The following JPT2 variants were observed in gnomAD, a reference collection of about 807,000 sequenced individuals.
JPT2 encodes the protein CRAMP_1 like.
JPT2 carries 9 observed loss-of-function variants against 15.9 expected under a neutral mutation model. That is an observed-to-expected ratio of 0.57 (90% CI 0.34 to 0.99). The LOEUF (loss-of-function observed/expected upper bound fraction) is 0.99. JPT2 is among the 50% of genes least tolerant of loss of function. JPT2 has a pLI of 0.02. For synonymous variants in JPT2, 95 were observed against 91.7 expected, an observed-to-expected ratio of 1.04 and a Z score of -0.21; for missense variants, 267 against 252.1, an observed-to-expected ratio of 1.06 and a Z score of -0.40.
At chr16:1,689,639 C>T (rs2037091064) in intron 2 of JPT2, 1 of 152,182 alleles carries the variant, frequency 6.6e-6, no homozygotes, top group South Asian at 2.1e-4. Flanking sequence ...GACAAGGTCT[C>T]ACTTGTTTCC....
Position 1,699,204 on chromosome 16 carries a change from A to T in JPT2, c.*206A>T. 7 of 596,672 alleles carry T rather than the reference A, an allele frequency of 1.2e-5. No individual in the cohort carries two copies. Among genetic ancestry groups the T allele is most frequent in the Non-Finnish European group, 9.4e-6 (3 of 319,328 alleles). The allele number at this position is 596,672 out of a possible 1,614,324, so 37.0% of individuals were successfully genotyped here. On this transcript the variant is annotated 3_prime_UTR_variant, in exon 5 of 5. Coordinates refer to ENST00000248098, the MANE Select transcript of JPT2 (RefSeq NM_144570.3). ...TGGGAGATGCCTCTGTGGGGATGAA[A>T]TGGGGCACCCCTGGCCATCACTCAT... is the stretch of plus-strand genomic sequence containing the variant.
intron 1 of JPT2, chr16:1,683,669 T>C (rs2037042507): frequency 9.9e-7 from 1 of 1,008,206 alleles, no homozygotes; most frequent in Non-Finnish European, 1.5e-6. Flanking sequence ...TGAAGCACTC[T>C]CTGCCTTCCT....
intron 2 of JPT2, chr16:1,690,503 C>T (rs2037097272): frequency 6.6e-6 from 1 of 152,172 alleles, no homozygotes; most frequent in South Asian, 2.1e-4. Context: ...TATACTCAAG[C>T]ATTACACATG....
rs1596511256 is a variant in JPT2 at position 1,699,707 on chromosome 16, G to C, written c.*709G>C. ...TGTCTTTCACACAGGGCTGGTCTTG[G>C]TCCTTTACATGCCAGTTTTGCTTGT... On this transcript the variant is annotated 3_prime_UTR_variant, in exon 5 of 5. Transcript: ENST00000248098. 4.1e-6 allele frequency: 1 copy of C among 243,410 alleles called. No individual in the cohort carries two copies. Among genetic ancestry groups the C allele is most frequent in the East Asian group, 9.7e-5 (1 of 10,336 alleles). 15.1% of individuals were successfully genotyped at this position (243,410 alleles called of 1,614,324 possible).
Position 1,699,221 on chromosome 16 carries a change from A to T in JPT2, c.*223A>T. 1.5e-6 allele frequency: 1 copy of T among 666,260 alleles called. No individual in the cohort carries two copies. Among genetic ancestry groups the T allele is most frequent in the Non-Finnish European group, 2.8e-6 (1 of 363,020 alleles). The allele number at this position is 666,260 out of a possible 1,614,324, so 41.3% of individuals were successfully genotyped here. Reference sequence around the variant, plus strand: ...GGGATGAAATGGGGCACCCCTGGCCATCACTCATGTGTAGTCCAGGTTTGA... The same window carrying T: ...GGGATGAAATGGGGCACCCCTGGCCTTCACTCATGTGTAGTCCAGGTTTGA... On this transcript the variant is annotated 3_prime_UTR_variant, in exon 5 of 5. Coordinates refer to ENST00000248098, the MANE Select transcript of JPT2 (RefSeq NM_144570.3).
At chr16:1,682,425 A>G (rs538256713) in intron 1 of JPT2, among the ~76,000 whole-genome samples, 2 of 151,914 alleles carry the variant, frequency 1.3e-5, no homozygotes, top group Admixed American at 1.3e-4. Flanking sequence ...TAATCCCAGC[A>G]CTTTGGGAGG....
intron 1 of JPT2, among the ~76,000 whole-genome samples, chr16:1,678,855 C>G (rs1020968335): frequency 3.3e-5 from 5 of 152,176 alleles, no homozygotes; most frequent in African/African-American, 1.2e-4. Context: ...GGCCGTGTGC[C>G]CGTGTCCCTG....
rs1181850387 is a variant in JPT2, at chr16:1,701,404, A to C, written c.*2406A>C. 1 of 152,428 alleles carries C rather than the reference A, an allele frequency of 6.6e-6. No homozygotes were observed. 9.4% of individuals were successfully genotyped at this position (152,428 alleles called of 1,614,324 possible). A position where few individuals can be genotyped will look rare whatever the true frequency, so the allele number is the denominator to read the frequency against. ...CAGAATGGGGTGTAACAGTTGAATT[A>C]AACTTAGCAATCACGTGCTCAGAGC... On this transcript the variant is annotated 3_prime_UTR_variant, in exon 5 of 5. Transcript: ENST00000248098.
At chr16:1,692,408 C>A (rs1247245579) in intron 3 of JPT2, 1 of 188,770 alleles carries the variant, frequency 5.3e-6, no homozygotes, top group African/African-American at 2.3e-5. Context: ...TCAAGGTCCT[C>A]GGCTGGTTAC....
rs1596511428 is a variant in JPT2, at chr16:1,700,194, C to T, written c.*1196C>T. Reference sequence around the variant, plus strand: ...ACAAGCTTCCAGAAGAGACTAGAGACCTTAGGCCAGGAGATGAAGGAGTTC... The same window carrying T: ...ACAAGCTTCCAGAAGAGACTAGAGATCTTAGGCCAGGAGATGAAGGAGTTC... On this transcript the variant is annotated 3_prime_UTR_variant, in exon 5 of 5. Coordinates refer to ENST00000248098, the MANE Select transcript of JPT2 (RefSeq NM_144570.3). The T allele has an allele frequency of 2.2e-6, 1 of 455,846 alleles. No individual in the cohort carries two copies. Among genetic ancestry groups the T allele is most frequent in the South Asian group, 1.5e-5 (1 of 64,546 alleles). The allele number at this position is 455,846 out of a possible 1,614,324, so 28.2% of individuals were successfully genotyped here. A position where few individuals can be genotyped will look rare whatever the true frequency, so the allele number is the denominator to read the frequency against.
rs1262994754 is a variant in JPT2 at position 1,698,092 on chromosome 16, C to T, written c.385+232C>T. On this transcript the variant is annotated intron_variant, in intron 4 of 4. Transcript: ENST00000248098. This position sits in a 1 kb window ranked among gnomAD's most constrained non-coding sequence, Gnocchi z 4.9. ...CAGCCTAGGCCCAGGGCCATGGGGT[C>T]GTCTCCTAGAAGCTCATCTGTGTAG... is the stretch of plus-strand genomic sequence containing the variant. Among the ~76,000 whole-genome samples, 2 of 152,210 alleles carry T rather than the reference C, an allele frequency of 1.3e-5. No individual in the cohort carries two copies. Among genetic ancestry groups the T allele is most frequent in the Non-Finnish European group, 1.5e-5 (1 of 68,038 alleles).
In JPT2 at chr16:1,683,137, C is replaced by T. The variant is rs184458006; in HGVS notation, c.45-2302C>T. On this transcript the variant is annotated intron_variant, in intron 1 of 4. Transcript: ENST00000248098. ...GACTACAGGCGTCCGCCACCACGCCCGGCTAATTTTTTGTATTTTTAGTAG... is the reference window on the plus strand; with the variant it reads ...GACTACAGGCGTCCGCCACCACGCCTGGCTAATTTTTTGTATTTTTAGTAG... 3.1e-3 allele frequency among the ~76,000 whole-genome samples: 477 copies of T among 152,084 alleles called. 1 individual carries two copies. Among genetic ancestry groups the T allele is most frequent in the South Asian group, 5.4e-3 (26 of 4,816 alleles).
intron 1 of JPT2, chr16:1,680,333 T>G: frequency 1.0e-6 from 1 of 1,001,744 alleles, no homozygotes; most frequent in Non-Finnish European, 1.2e-6. Context: ...ACGCCGATGT[T>G]TTTATATTGA....
chr16:1,681,324 C>G (rs1306320400), intron 1 of JPT2, among the ~76,000 whole-genome samples: 1 of 152,234 alleles, frequency 6.6e-6, no homozygotes, highest in East Asian at 1.9e-4. Context: ...ACCGAGATAG[C>G]CGCTGCCCCT....
Position 1,701,940 on chromosome 16 carries a change from G to A in JPT2, c.*2942G>A. The A allele has an allele frequency of 3.0e-6, 1 of 330,302 alleles. No individual in the cohort carries two copies. Among genetic ancestry groups the A allele is most frequent in the Non-Finnish European group, 6.1e-6 (1 of 163,388 alleles). The allele number at this position is 330,302 out of a possible 1,614,324, so 20.5% of individuals were successfully genotyped here. ...GCCTGTAGTCCCAGCTACTCGGGAG[G>A]CTGAGTGAGGCAGGAGGATCACTTG... On this transcript the variant is annotated 3_prime_UTR_variant, in exon 5 of 5. Coordinates refer to ENST00000248098, the MANE Select transcript of JPT2 (RefSeq NM_144570.3).
chr16:1,678,375 G>A lies in JPT2; in HGVS notation c.44+19G>A, dbSNP rs986506447. On this transcript the variant is annotated intron_variant, in intron 1 of 4. Coordinates refer to ENST00000248098, the MANE Select transcript of JPT2 (RefSeq NM_144570.3). ...GCTCCAGGTGCGGCGCGGGGCACAC[G>A]GGAGGCGGGCGGATAGCGCGACCAC... 8.1e-7 allele frequency: 1 copy of A among 1,229,622 alleles called. No individual in the cohort carries two copies. The highest frequency in any genetic ancestry group is 1.0e-6 in the Non-Finnish European group (1 of 985,236). The allele number at this position is 1,229,622 out of a possible 1,614,324, so 76.2% of individuals were successfully genotyped here.
chr16:1,685,012 G>A (rs567389990), intron 1 of JPT2, among the ~76,000 whole-genome samples: 1 of 152,238 alleles, frequency 6.6e-6, no homozygotes, highest in East Asian at 1.9e-4. Context: ...ATGGTGGTAT[G>A]TGATTTCTCA....
chr16:1,689,166 G>A (rs1336361722), intron 2 of JPT2: 1 of 151,670 alleles, frequency 6.6e-6, no homozygotes, highest in African/African-American at 2.4e-5. Context: ...AATGAGTGAT[G>A]TCTTTGGCCA....
At chr16:1,702,197 GC>G (rs1273755315), downstream of JPT2, 9 of 455,200 alleles carry the variant, frequency 2.0e-5, no homozygotes, top group Non-Finnish European at 4.0e-5. Flanking sequence ...TCTCTAGGAG[GC>G]TCCACACCAT....
Sources: allele counts gnomAD v4.1 joint callset (sites outside exome capture counted in the v4.1 genomes callset), GRCh38; gene constraint gnomAD v4.1.1; non-coding constraint Gnocchi (gnomAD v3.1); transcripts MANE v1.5; gene names NCBI Gene and HGNC (gene_info 2026-07-23, HGNC 2026-07-21).